NTNG1: variants seen among roughly 807,000 people sequenced by gnomAD.
The protein encoded by NTNG1 is netrin-G1.
In NTNG1, 16 loss-of-function variants were observed where a neutral mutation model predicts 54.0. That is an observed-to-expected ratio of 0.30 (90% confidence interval 0.20 to 0.45). The LOEUF (loss-of-function observed/expected upper bound fraction) is 0.45, where lower values mean the gene tolerates loss of function less well. Among genes scored for constraint, NTNG1 ranks in the 20% least tolerant of loss-of-function variants. The probability of loss-of-function intolerance (pLI) is 1.00; values close to 1 mark genes in which losing one functional copy is unlikely to be tolerated. For synonymous variants in NTNG1, 255 were observed against 263.1 expected, an observed-to-expected ratio of 0.97 and a Z score of 0.30; for missense variants, 530 against 678.7, an observed-to-expected ratio of 0.78 and a Z score of 2.43.
chr1:107,290,793 TA>T (rs1204518156), intron 2 of NTNG1, among the ~76,000 whole-genome samples: 1 of 151,396 alleles, frequency 6.6e-6, no homozygotes, highest in Non-Finnish European at 1.5e-5. Context: ...GTTAATACAA[TA>T]ATAATAAGAT....
chr1:107,363,497 T>C (rs749961597), intron 3 of NTNG1, among the ~76,000 whole-genome samples: 5 of 152,228 alleles, frequency 3.3e-5, no homozygotes, highest in Non-Finnish European at 7.3e-5. Flanking sequence ...ATCTGAACCA[T>C]AGTTTGCACT....
intron 3 of NTNG1, among the ~76,000 whole-genome samples, chr1:107,344,789 T>TG (rs1239528526): frequency 6.6e-6 from 1 of 152,192 alleles, no homozygotes; most frequent in Admixed American, 6.6e-5. Context: ...GAAACTCTTT[T>TG]GGGTCATAAA....
chr1:107,462,966 A>G (rs1677370978), intron 7 of NTNG1, among the ~76,000 whole-genome samples: 1 of 152,204 alleles, frequency 6.6e-6, no homozygotes, highest in South Asian at 2.1e-4. Context: ...GTGTGACTCC[A>G]CAATCCTTGC....
At chr1:107,424,338 GGTGAGT>G (rs1674752701) in intron 5 of NTNG1, among the ~76,000 whole-genome samples, 2 of 152,094 alleles carry the variant, frequency 1.3e-5, no homozygotes, top group Non-Finnish European at 2.9e-5. Context: ...TGAATTAGGA[GGTGAGT>G]GCTAGCAATG....
chr1:107,298,979 G>C (rs560109780), intron 2 of NTNG1, among the ~76,000 whole-genome samples: 1 of 152,152 alleles, frequency 6.6e-6, no homozygotes, highest in Non-Finnish European at 1.5e-5. Context: ...TGTTGCTTTG[G>C]ACTATGGGTA....
chr1:107,445,586 A>G (rs1261698198), intron 7 of NTNG1, among the ~76,000 whole-genome samples: 2 of 152,154 alleles, frequency 1.3e-5, no homozygotes, highest in Admixed American at 6.6e-5. Context: ...GTTAAGTAGC[A>G]CACCAGTTAT....
In NTNG1 at chr1:107,424,105, C is replaced by A. The variant is rs139017535; in HGVS notation, c.1088-6645C>A. Among the ~76,000 whole-genome samples, 850 of 151,994 alleles carry A rather than the reference C, an allele frequency of 5.6e-3. 11 individuals are homozygous for A. Among genetic ancestry groups the A allele is most frequent in the African/African-American group, 0.02 (811 of 41,464 alleles). On this transcript the variant is annotated intron_variant, in intron 5 of 7. Transcript: ENST00000370068. ...ATATACTTTTTGAATATTATAAATT[C>A]TATGAAAAAATATAAACAAGATTAG...
intron 3 of NTNG1, among the ~76,000 whole-genome samples, chr1:107,371,964 G>T (rs1570789608): frequency 6.6e-6 from 1 of 151,956 alleles, no homozygotes; most frequent in African/African-American, 2.4e-5. Context: ...TGTCCTGTCA[G>T]CCCTCAAAAA....
chr1:107,381,566 T>C (rs2101034569), intron 3 of NTNG1, among the ~76,000 whole-genome samples: 1 of 152,268 alleles, frequency 6.6e-6, no homozygotes, highest in African/African-American at 2.4e-5. Context: ...AAGTTGCAGA[T>C]TGCTGCTCAA....
At chr1:107,418,718 G>A in intron 5 of NTNG1, 1 of 898,618 alleles carries the variant, frequency 1.1e-6, no homozygotes, top group South Asian at 1.6e-5. Context: ...GCCATTTTTA[G>A]CACAAAATAA....
chr1:107,184,985 G>T (rs1657343882), intron 2 of NTNG1, among the ~76,000 whole-genome samples: 1 of 152,088 alleles, frequency 6.6e-6, no homozygotes, highest in Non-Finnish European at 1.5e-5. Context: ...ATCTTGAGTT[G>T]AGGTGTCTCC....
chr1:107,382,834 T>C (rs1671730091), intron 3 of NTNG1, among the ~76,000 whole-genome samples: 1 of 151,672 alleles, frequency 6.6e-6, no homozygotes, highest in Admixed American at 6.6e-5. Flanking sequence ...TTTCCAAGGC[T>C]TATTAACAAA....
chr1:107,468,658 A>G (rs763572361), intron 7 of NTNG1, among the ~76,000 whole-genome samples: 1 of 152,162 alleles, frequency 6.6e-6, no homozygotes, highest in African/African-American at 2.4e-5. Flanking sequence ...CCTTTACCCT[A>G]TGTTCCAAAG....
At chr1:107,418,405 G>A (rs1170312704) in intron 5 of NTNG1, among the ~76,000 whole-genome samples, 1 of 151,990 alleles carries the variant, frequency 6.6e-6, no homozygotes, top group African/African-American at 2.4e-5. Context: ...AATGTTTTGG[G>A]AATCATCAAT....
chr1:107,185,303 G>T (rs1346676898), intron 2 of NTNG1, among the ~76,000 whole-genome samples: 3 of 152,184 alleles, frequency 2.0e-5, no homozygotes, highest in African/African-American at 7.2e-5. Context: ...TGCACTCCCT[G>T]TGAAGGCTCT....
At chr1:107,290,471 A>ATT (rs145048432) in intron 2 of NTNG1, among the ~76,000 whole-genome samples, 6 of 151,506 alleles carry the variant, frequency 4.0e-5, no homozygotes, top group African/African-American at 1.5e-4. Flanking sequence ...TGAATAAGCC[A>ATT]TTTTTTTTTA....
At chr1:107,273,507 T>C (rs1664279720) in intron 2 of NTNG1, among the ~76,000 whole-genome samples, 1 of 152,166 alleles carries the variant, frequency 6.6e-6, no homozygotes, top group Non-Finnish European at 1.5e-5. Context: ...TGGTTTGGTT[T>C]TTTAAATAGA....
intron 3 of NTNG1, among the ~76,000 whole-genome samples, chr1:107,356,595 T>G (rs77387572): frequency 0.091 from 13,782 of 152,132 alleles, 742 homozygotes; most frequent in East Asian, 0.14. Context: ...TGCCAGCCAG[T>G]CCTGTTGAAT....
chr1:107,272,217 A>G (rs1003316222), intron 2 of NTNG1, among the ~76,000 whole-genome samples: 1 of 152,130 alleles, frequency 6.6e-6, no homozygotes, highest in Non-Finnish European at 1.5e-5. Context: ...TACTAATAAT[A>G]CTACTAATAA....
Sources: allele counts gnomAD v4.1 joint callset (sites outside exome capture counted in the v4.1 genomes callset), GRCh38; gene constraint gnomAD v4.1.1; transcripts MANE v1.5; gene names NCBI Gene and HGNC (gene_info 2026-07-23, HGNC 2026-07-21).